Variants in NXPH1 observed in about 807,000 individuals in gnomAD.
The protein encoded by NXPH1 is neurexophilin-1.
Under a neutral mutation model 23.7 loss-of-function variants are expected in NXPH1, and 5 were observed. The observed-to-expected ratio is 0.21, with a 90% CI of 0.11 to 0.44. The LOEUF is 0.44. NXPH1 is among the 20% of genes least tolerant of loss of function. NXPH1 has a pLI of 0.99. For synonymous variants in NXPH1, 144 were observed against 122.2 expected (o/e 1.18, Z -1.18); for missense variants, 324 against 321.6 (o/e 1.01, Z -0.06).
intron 2 of NXPH1, among the ~76,000 whole-genome samples, chr7:8,594,152 A>AC (rs1819163813): frequency 1.3e-5 from 2 of 151,734 alleles, no homozygotes; most frequent in East Asian, 1.9e-4. Flanking sequence ...ACCACACTCC[A>AC]CCCCCCACGT....
chr7:8,522,632 C>T (rs1360349152), intron 2 of NXPH1, among the ~76,000 whole-genome samples: 2 of 152,064 alleles, frequency 1.3e-5, no homozygotes, highest in Admixed American at 6.5e-5. Context: ...TAATTTTATT[C>T]CATTGTCATT....
intron 2 of NXPH1, among the ~76,000 whole-genome samples, chr7:8,459,153 T>G (rs549260477): frequency 1.3e-4 from 20 of 152,194 alleles, no homozygotes; most frequent in African/African-American, 4.6e-4. Flanking sequence ...CTCTGTGGTC[T>G]AATAATTTAA....
chr7:8,589,788 A>G (rs917406871), intron 2 of NXPH1, among the ~76,000 whole-genome samples: 1 of 152,096 alleles, frequency 6.6e-6, no homozygotes, highest in African/African-American at 2.4e-5. Flanking sequence ...TTGTAGCTGC[A>G]CCATCCAATA....
intron 2 of NXPH1, among the ~76,000 whole-genome samples, chr7:8,639,746 T>A (rs988671894): frequency 6.6e-6 from 1 of 152,192 alleles, no homozygotes; most frequent in African/African-American, 2.4e-5. Flanking sequence ...TTCTCATGAT[T>A]GTGAATAAGT....
intron 2 of NXPH1, among the ~76,000 whole-genome samples, chr7:8,544,917 G>T (rs552956526): frequency 1.3e-5 from 2 of 151,442 alleles, no homozygotes; most frequent in African/African-American, 4.8e-5. Flanking sequence ...TCTTTTCTTT[G>T]ATTGCAGAAG....
chr7:8,671,501 G>C (rs867966525), intron 2 of NXPH1, among the ~76,000 whole-genome samples: 4 of 152,170 alleles, frequency 2.6e-5, no homozygotes, highest in Admixed American at 6.5e-5. Context: ...AGGTACTATG[G>C]AAGGCTGTAT....
chr7:8,466,591 T>G (rs1020899750), intron 2 of NXPH1, among the ~76,000 whole-genome samples: 3 of 152,204 alleles, frequency 2.0e-5, no homozygotes, highest in Non-Finnish European at 4.4e-5. Flanking sequence ...GAAGGGACAT[T>G]GTAAATTAAC....
At chr7:8,711,432 T>TAA (rs969932867) in intron 2 of NXPH1, among the ~76,000 whole-genome samples, 1 of 152,204 alleles carries the variant, frequency 6.6e-6, no homozygotes, top group African/African-American at 2.4e-5. Context: ...TAAGTTAAAA[T>TAA]AAAGGCAGCA....
chr7:8,632,619 T>G (rs1820153308), intron 2 of NXPH1, among the ~76,000 whole-genome samples: 1 of 152,190 alleles, frequency 6.6e-6, no homozygotes, highest in African/African-American at 2.4e-5. Flanking sequence ...CGCCTTATGA[T>G]TCTTCTGAAT....
chr7:8,644,827 T>A (rs78081870), intron 2 of NXPH1, among the ~76,000 whole-genome samples: 5,323 of 152,278 alleles, frequency 0.035, 298 homozygotes, highest in East Asian at 0.17. Flanking sequence ...CTCTCTTAAA[T>A]TTTGTGCACA....
intron 2 of NXPH1, among the ~76,000 whole-genome samples, chr7:8,448,384 G>A (rs1423411459): frequency 6.6e-6 from 1 of 152,260 alleles, no homozygotes; most frequent in Non-Finnish European, 1.5e-5. Context: ...ATATGACACA[G>A]AAGGGCTGAT....
chr7:8,461,843 A>AAAAAGAAAAAAAAAAG (rs1816702028), intron 2 of NXPH1, among the ~76,000 whole-genome samples: 31 of 121,470 alleles, frequency 2.6e-4, no homozygotes, highest in Non-Finnish European at 6.9e-5. Flanking sequence ...TCTCAAAAAA[A>AAAAAGAAAAAAAAAAG]AAAAAAAAGA....
chr7:8,728,459 G>A (rs1340666498), intron 2 of NXPH1, among the ~76,000 whole-genome samples: 1 of 152,170 alleles, frequency 6.6e-6, no homozygotes, highest in Non-Finnish European at 1.5e-5. Flanking sequence ...CATTCAGTAT[G>A]ATATTGGCTG....
intron 2 of NXPH1, among the ~76,000 whole-genome samples, chr7:8,526,487 G>C (rs945278034): frequency 1.3e-5 from 2 of 152,122 alleles, no homozygotes; most frequent in African/African-American, 4.8e-5. Flanking sequence ...GAGGATAAGA[G>C]ATTTGGAGAG....
In NXPH1 at chr7:8,609,764, A is replaced by G. The variant is rs146655458; in HGVS notation, c.55-141244A>G. Among the ~76,000 whole-genome samples, 361 of 152,216 alleles carry G rather than the reference A, an allele frequency of 2.4e-3. 1 individual carries two copies. The highest frequency in any genetic ancestry group is 4.3e-3 in the Non-Finnish European group (293 of 67,982). The stretch of plus-strand genomic sequence containing the variant: ...AATATATTTTCTCCCAAGCTCTCAG[A>G]GCTATTTTTGTCTATTAATTTTAAC... On this transcript the variant is annotated intron_variant, in intron 2 of 2. Coordinates refer to ENST00000405863, the MANE Select transcript of NXPH1 (RefSeq NM_152745.3).
intron 2 of NXPH1, among the ~76,000 whole-genome samples, chr7:8,517,991 C>A (rs1817715579): frequency 6.6e-6 from 1 of 152,042 alleles, no homozygotes; most frequent in South Asian, 2.1e-4. Context: ...ATCAAACATG[C>A]AGATAAAAGG....
intron 2 of NXPH1, among the ~76,000 whole-genome samples, chr7:8,471,094 A>T (rs1007447791): frequency 7.9e-5 from 12 of 152,104 alleles, no homozygotes; most frequent in Admixed American, 6.6e-5. Flanking sequence ...GTGAGTTTAT[A>T]TCTGAAAATC....
chr7:8,689,645 A>G (rs958508481), intron 2 of NXPH1, among the ~76,000 whole-genome samples: 1 of 152,192 alleles, frequency 6.6e-6, no homozygotes, highest in African/African-American at 2.4e-5. Flanking sequence ...AGTAAATACA[A>G]TAACTTGACT....
At position 8,520,883 on chromosome 7, in the gene NXPH1, A is replaced by T. The variant is rs561324951; in HGVS notation, c.54+85116A>T. ...AGAATTCATTCTGTCCTTATAAAGC[A>T]GTGAAGGGGGACATTTCAAAGTTGT... On this transcript the variant is annotated intron_variant, in intron 2 of 2. Transcript: ENST00000405863. 2.6e-5 allele frequency among the ~76,000 whole-genome samples: 4 copies of T among 152,264 alleles called. No homozygotes were observed. The South Asian group carries it at 8.3e-4, about 32-fold the overall frequency.
Sources: gnomAD v4.1 joint callset for allele counts (sites outside exome capture counted in the v4.1 genomes callset) on GRCh38, gnomAD v4.1.1 for gene constraint, MANE v1.5 for transcripts, NCBI Gene and HGNC (gene_info 2026-07-23, HGNC 2026-07-21) for gene names.